The following TBC1D2B variants were observed in gnomAD, a reference collection of about 807,000 sequenced individuals.
The protein encoded by TBC1D2B is TBC1 domain family, member 2B.
Under a neutral mutation model 100.8 loss-of-function variants are expected in TBC1D2B, and 64 were observed. The ratio of observed to expected loss-of-function variants is 0.64; its 90% CI spans 0.52 to 0.78. The LOEUF (loss-of-function observed/expected upper bound fraction) is 0.78. Among genes scored for constraint, TBC1D2B ranks in the 30% least tolerant of loss-of-function variants. The pLI is 0.00. For missense variants in TBC1D2B, 1,052 were observed against 1,218.4 expected, an observed-to-expected ratio of 0.86 and a Z score of 2.03; for synonymous variants, 480 against 479.7, an observed-to-expected ratio of 1.00 and a Z score of -0.01.
intron 4 of TBC1D2B, among the ~76,000 whole-genome samples, chr15:78,026,141 G>A (rs2072662261): frequency 1.5e-5 from 2 of 136,812 alleles, no homozygotes; most frequent in Admixed American, 8.3e-5. Context: ...AATGTATGTT[G>A]GTTTTTGTTG....
chr15:78,016,584 C>A lies in TBC1D2B; in HGVS notation c.1737G>T (p.Glu579Asp), dbSNP rs1239833859. ...GTTTAACAAATGCTTGCTCCGGCTG[C>A]TCTTGGCTCTCAACCTGCAGAGCAT... Reference protein sequence around the residue: ...LEDALQVESQEQPEQAFVKPH... With the variant: ...LEDALQVESQDQPEQAFVKPH... The change falls in exon 8 of 13, where the codon GAG (glutamate) becomes GAT (aspartate). Residue 579 changes from glutamate (E) to aspartate (D), a missense_variant. Physicochemically the swap from Glu to Asp is conservative, Grantham distance 45. Around this residue, in one of 4 missense-constraint regions of TBC1D2B, gnomAD observed 373 missense variants for 464.9 expected, o/e 0.80. Coordinates refer to ENST00000300584, the MANE Select transcript of TBC1D2B (RefSeq NM_144572.2). 11 of 1,612,978 alleles carry A rather than the reference C, an allele frequency of 6.8e-6. No homozygotes were observed. In the Admixed American group the frequency reaches 1.7e-4, roughly 24 times the overall value.
chr15:78,062,407 C>G lies in TBC1D2B; in HGVS notation c.361-8220G>C, dbSNP rs570440917. Among the ~76,000 whole-genome samples the G allele has an allele frequency of 7.2e-5, 11 of 152,328 alleles. No homozygotes were observed. The East Asian group carries it at 7.7e-4, about 11-fold the overall frequency. ...TAGCTTTGCAGGGCTCTTCACTCTT[C>G]CTGGACTGTGGGAAGTCCTGTTTGT... On this transcript the variant is annotated intron_variant, in intron 1 of 12. Transcript: ENST00000300584.
chr15:78,031,628 T>C (rs1331568720), intron 3 of TBC1D2B, among the ~76,000 whole-genome samples: 1 of 136,108 alleles, frequency 7.3e-6, no homozygotes. Flanking sequence ...GCAGTGGAAA[T>C]ATGACAAAAC....
Position 78,077,678 on chromosome 15 carries a change from C to T in TBC1D2B, c.-26G>A, listed in dbSNP as rs1424979986. Reference sequence around the variant, plus strand: ...CGCTACCGCGCGCCAACCGTAGGCGCCCGCGCCCTGCGCCTCCGCGCCGCG... The same window carrying T: ...CGCTACCGCGCGCCAACCGTAGGCGTCCGCGCCCTGCGCCTCCGCGCCGCG... On this transcript the variant is annotated 5_prime_UTR_variant, in exon 1 of 13. Transcript: ENST00000300584. The T allele has an allele frequency of 2.0e-6, 2 of 986,826 alleles. No homozygotes were observed. Among genetic ancestry groups the T allele is most frequent in the South Asian group, 4.5e-5 (1 of 22,098 alleles). 61.1% of individuals were successfully genotyped at this position (986,826 alleles called of 1,614,324 possible).
Position 78,016,800 on chromosome 15 carries a change from G to A in TBC1D2B, c.1582-61C>T. ...GAGACACAGGAAGAGCAATCTTTAGGTACGCAAATGACCAGTGAACAACAA... is the reference window on the plus strand; with the variant it reads ...GAGACACAGGAAGAGCAATCTTTAGATACGCAAATGACCAGTGAACAACAA... On this transcript the variant is annotated intron_variant, in intron 7 of 12. Transcript: ENST00000300584. 2.2e-6 allele frequency: 3 copies of A among 1,359,050 alleles called. No individual in the cohort carries two copies. In the South Asian group the frequency reaches 4.6e-5, roughly 21 times the overall value. The allele number at this position is 1,359,050 out of a possible 1,614,324, so 84.2% of individuals were successfully genotyped here. A position where few individuals can be genotyped will look rare whatever the true frequency, so the allele number is the denominator to read the frequency against.
chr15:78,053,514 A>G (rs1306014363), intron 2 of TBC1D2B, among the ~76,000 whole-genome samples: 1 of 152,252 alleles, frequency 6.6e-6, no homozygotes, highest in Non-Finnish European at 1.5e-5. Flanking sequence ...GGTTATCTCC[A>G]TGCTGCAAAT....
At position 78,011,644 on chromosome 15, in the gene TBC1D2B, G is replaced by GTT. The variant is rs773624522; in HGVS notation, c.2270+1178_2270+1179insAA. 5.5e-5 allele frequency among the ~76,000 whole-genome samples: 7 copies of GTT among 127,548 alleles called. 1 individual carries two copies. Among genetic ancestry groups the GTT allele is most frequent in the Non-Finnish European group, 8.0e-5 (5 of 62,430 alleles). The allele number at this position is 127,548 out of a possible 152,430, so 83.7% of individuals were successfully genotyped here. ...TGCCACCATGCCCAGCTAATTTTTT[G>GTT]GTTTTTTTTTTTTTTTTTTTTTTAG... On this transcript the variant is annotated intron_variant, in intron 9 of 12. Coordinates refer to ENST00000300584, the MANE Select transcript of TBC1D2B (RefSeq NM_144572.2).
At chr15:78,034,748 G>C in intron 3 of TBC1D2B, 1 of 985,382 alleles carries the variant, frequency 1.0e-6, no homozygotes, top group Non-Finnish European at 1.2e-6. Flanking sequence ...TCCTGGATAA[G>C]AGAGAAATGG....
At chr15:78,025,994 G>C (rs1041858803) in intron 4 of TBC1D2B, among the ~76,000 whole-genome samples, 4 of 151,140 alleles carry the variant, frequency 2.6e-5, no homozygotes, top group Non-Finnish European at 4.4e-5. Flanking sequence ...ACATGCTTCA[G>C]CCAGAGATGA....
intron 9 of TBC1D2B, among the ~76,000 whole-genome samples, chr15:78,012,074 C>T (rs1181842275): frequency 6.6e-6 from 1 of 152,196 alleles, no homozygotes. Flanking sequence ...TGCACTGGAC[C>T]TTTATCCATA....
In TBC1D2B at chr15:78,025,370, T is replaced by C; in HGVS notation, c.975A>G (p.Thr325=). The change falls in exon 5 of 13, where the codon ACA becomes ACG. Residue 325 remains threonine (T), a synonymous_variant. Coordinates refer to ENST00000300584, the MANE Select transcript of TBC1D2B (RefSeq NM_144572.2). The part of the protein sequence containing the change: ...HSSGDPSSEG[T]SGSGSVSIRK... ...TGATGCTGACGCTGCCACTGCCTGA[T>C]GTGCCTTCACTTGAAGGGTCACCAC... 6.2e-7 allele frequency: 1 copy of C among 1,614,012 alleles called. No homozygotes were observed. The highest frequency in any genetic ancestry group is 8.5e-7 in the Non-Finnish European group (1 of 1,179,888).
At chr15:78,036,051 A>G (rs1218446111) in intron 3 of TBC1D2B, among the ~76,000 whole-genome samples, 2 of 152,206 alleles carry the variant, frequency 1.3e-5, no homozygotes, top group African/African-American at 2.4e-5. Context: ...GCGAAGAGTG[A>G]GCATTCTAAG....
chr15:78,058,578 T>C (rs1357959376), intron 1 of TBC1D2B, among the ~76,000 whole-genome samples: 1 of 152,210 alleles, frequency 6.6e-6, no homozygotes, highest in Admixed American at 6.5e-5. Context: ...GCTAGGTCTA[T>C]CACCAGGAGT....
At chr15:78,066,745 C>T (rs894156241) in intron 1 of TBC1D2B, among the ~76,000 whole-genome samples, 4 of 152,204 alleles carry the variant, frequency 2.6e-5, no homozygotes, top group African/African-American at 9.7e-5. Context: ...AGAGGGTATG[C>T]CTTACAGAGC....
intron 2 of TBC1D2B, 189 bp downstream of exon 2, chr15:78,053,845 A>G (rs993361766): frequency 1.3e-5 from 8 of 621,228 alleles, no homozygotes; most frequent in Non-Finnish European, 2.1e-5. Context: ...CCTGATTCCA[A>G]GGCTGTCACT....
chr15:78,036,599 G>A (rs2072951825), intron 3 of TBC1D2B, among the ~76,000 whole-genome samples: 2 of 152,186 alleles, frequency 1.3e-5, no homozygotes, highest in Admixed American at 1.3e-4. Context: ...ACCAGAAGCT[G>A]AAGGAGGCCA....
chr15:78,035,122 A>G (rs988268999), intron 3 of TBC1D2B, among the ~76,000 whole-genome samples: 5 of 152,176 alleles, frequency 3.3e-5, no homozygotes, highest in Non-Finnish European at 5.9e-5. Flanking sequence ...ACCTATAAAC[A>G]CTCAGCTGCT....
chr15:78,054,547 T>C (rs2073381427), intron 1 of TBC1D2B, among the ~76,000 whole-genome samples: 1 of 152,222 alleles, frequency 6.6e-6, no homozygotes, highest in Non-Finnish European at 1.5e-5. Flanking sequence ...GACATAGGTA[T>C]GAAAGACGGC....
rs748378277 is a variant in TBC1D2B, at chr15:78,024,234, C to A, written c.1392G>T (p.Gly464=). 6.2e-7 allele frequency: 1 copy of A among 1,613,926 alleles called. No individual in the cohort carries two copies. Among genetic ancestry groups the A allele is most frequent in the Admixed American group, 1.7e-5 (1 of 60,028 alleles). ...AGCTGGGCGCCACGGTGGGAGGAGG[C>A]CCGTTGCCCTCGCCCTCGCTGAGCT... ...IIKLSEGEGN[G]PPPTVAPSSP... Residue 464 remains glycine, a synonymous_variant, in exon 6 of 13, where the codon GGG becomes GGT. Coordinates refer to ENST00000300584, the MANE Select transcript of TBC1D2B (RefSeq NM_144572.2).
Sources: allele counts gnomAD v4.1 joint callset (sites outside exome capture counted in the v4.1 genomes callset), GRCh38; gene constraint gnomAD v4.1.1; regional missense constraint gnomAD v4.1.1; transcripts MANE v1.5; gene names NCBI Gene and HGNC (gene_info 2026-07-23, HGNC 2026-07-21).